DLEC1: variants seen among roughly 807,000 people sequenced by gnomAD.
DLEC1 encodes deleted in lung and esophageal cancer protein 1.
A neutral mutation model predicts 198.1 loss-of-function variants in DLEC1; 146 were observed. The ratio of observed to expected loss-of-function variants is 0.74; its 90% CI spans 0.64 to 0.85. The LOEUF (loss-of-function observed/expected upper bound fraction) is 0.85. DLEC1 is among the 40% of genes least tolerant of loss of function. DLEC1 has a pLI of 0.00. For missense variants in DLEC1, 2,233 were observed against 2,220.0 expected (o/e 1.01, Z -0.12); for synonymous variants, 897 against 866.8 (o/e 1.03, Z -0.61).
At position 38,074,555 on chromosome 3, in the gene DLEC1, T is replaced by A. The variant is rs375050132; in HGVS notation, c.1174-9603T>A. Among the ~76,000 whole-genome samples the A allele has an allele frequency of 5.3e-5, 8 of 152,322 alleles. No homozygotes were observed. In the South Asian group the frequency reaches 1.0e-3, roughly 20 times the overall value. ...AGAATTAACAGCTTTGTAAGCTGCC[T>A]TTTTAAGCCTTTCAACTAGGCAGGA... is the stretch of plus-strand genomic sequence containing the variant. On this transcript the variant is annotated intron_variant, in intron 6 of 36. Transcript: ENST00000308059.
chr3:38,048,073 C>G (rs572397431), intron 2 of DLEC1, among the ~76,000 whole-genome samples: 61 of 152,256 alleles, frequency 4.0e-4, no homozygotes, highest in Admixed American at 1.2e-3. Context: ...TATTTATTAT[C>G]CTTTTGGTGC....
At chr3:38,044,413 A>T (rs1056116535) in intron 1 of DLEC1, among the ~76,000 whole-genome samples, 12 of 151,690 alleles carry the variant, frequency 7.9e-5, no homozygotes, top group Admixed American at 3.3e-4. Context: ...TATACAAAAA[A>T]TTAGCTGGGC....
chr3:38,118,742 G>C (rs996479280), intron 33 of DLEC1, among the ~76,000 whole-genome samples: 1 of 152,088 alleles, frequency 6.6e-6, no homozygotes, highest in African/African-American at 2.4e-5. Context: ...TCTTCTCGGA[G>C]GGCTTCCCTT....
In DLEC1 at chr3:38,122,653, C is replaced by A; in HGVS notation, c.*241C>A. 6.8e-7 allele frequency: 1 copy of A among 1,469,606 alleles called. No homozygotes were observed. Among genetic ancestry groups the A allele is most frequent in the South Asian group, 1.4e-5 (1 of 72,756 alleles). The allele number at this position is 1,469,606 out of a possible 1,614,324, so 91.0% of individuals were successfully genotyped here. On this transcript the variant is annotated 3_prime_UTR_variant, in exon 37 of 37. Coordinates refer to ENST00000308059, the MANE Select transcript of DLEC1 (RefSeq NM_007335.4). The stretch of plus-strand genomic sequence containing the variant: ...AGACCACCACATTGAGATCACTACT[C>A]AGTGCATAGCGAAGACCAGTATGGC...
rs1700556924 is a variant in DLEC1, at chr3:38,039,590, G to A, written c.365G>A (p.Gly122Asp). 6.2e-7 allele frequency: 1 copy of A among 1,611,758 alleles called. No individual in the cohort carries two copies. Among genetic ancestry groups the A allele is most frequent in the Non-Finnish European group, 8.5e-7 (1 of 1,178,532 alleles). Reference protein sequence around the residue: ...EVSASLIKARGSENERHEEFV... With the variant: ...EVSASLIKARDSENERHEEFV... ...AGCGCAAGCTTGATCAAGGCCCGCG[G>A]CAGCGAGAATGAGCGCCACGAGGAG... The change falls in exon 1 of 37, where the codon GGC becomes GAC. Residue 122 changes from glycine to aspartate, a missense_variant. Transcript: ENST00000308059.
At position 38,062,670 on chromosome 3, in the gene DLEC1, G is replaced by C. The variant is rs2125613998; in HGVS notation, c.963G>C (p.Glu321Asp). 1.2e-6 allele frequency: 2 copies of C among 1,614,158 alleles called. No homozygotes were observed. The highest frequency in any genetic ancestry group is 4.5e-5 in the East Asian group (2 of 44,886). ...ELDRLLLARM[E>D]SRNHFLKNPR... Reference sequence around the variant, plus strand: ...ACAGACTTCTGCTTGCCAGAATGGAGAGTCGGAACCACTTCCTAAAAAATC... The same window carrying C: ...ACAGACTTCTGCTTGCCAGAATGGACAGTCGGAACCACTTCCTAAAAAATC... Residue 321 changes from glutamate to aspartate, a missense_variant, in exon 5 of 37, where the codon GAG (glutamate) becomes GAC (aspartate). By Grantham distance (45) the Glu-to-Asp change is conservative (BLOSUM62 2). Transcript: ENST00000308059.
At position 38,115,158 on chromosome 3, in the gene DLEC1, G is replaced by C. The variant is rs1021823680; in HGVS notation, c.3856+105G>C. On this transcript the variant is annotated intron_variant, in intron 27 of 36. Transcript: ENST00000308059. ...AGGGAAGCCGATGGCCCATGAACAG[G>C]ACCCAGGTGTCCAGGGGGCCTGTGG... 7.1e-6 allele frequency: 9 copies of C among 1,263,670 alleles called. No individual in the cohort carries two copies. In the African/African-American group the frequency reaches 1.3e-4, roughly 19 times the overall value. 78.3% of individuals were successfully genotyped at this position (1,263,670 alleles called of 1,614,324 possible).
chr3:38,042,100 C>T (rs1253975998), intron 1 of DLEC1, among the ~76,000 whole-genome samples: 1 of 151,984 alleles, frequency 6.6e-6, no homozygotes, highest in Non-Finnish European at 1.5e-5. Context: ...TCAAGCGATT[C>T]TCCTGCCTCA....
At chr3:38,094,683 C>G (rs1559440876) in intron 12 of DLEC1, among the ~76,000 whole-genome samples, 196 bp from the exon 13 acceptor site, 1 of 152,182 alleles carries the variant, frequency 6.6e-6, no homozygotes, top group Non-Finnish European at 1.5e-5. Flanking sequence ...TAGTCTCTGT[C>G]TTAGACTCCC....
chr3:38,116,330 C>A, intron 27 of DLEC1, 123 bp from the exon 28 acceptor site: 1 of 879,194 alleles, frequency 1.1e-6, no homozygotes, highest in Non-Finnish European at 1.8e-6. Flanking sequence ...GGCAGAGAGG[C>A]ACCCCCTCCA....
intron 6 of DLEC1, among the ~76,000 whole-genome samples, chr3:38,080,096 A>G (rs1001015073): frequency 1.3e-5 from 2 of 152,170 alleles, no homozygotes; most frequent in Non-Finnish European, 2.9e-5. Flanking sequence ...TTTGATGAAA[A>G]AGCCTAAATG....
At chr3:38,069,490 AACAC>A (rs140617640) in intron 6 of DLEC1, among the ~76,000 whole-genome samples, 2 of 150,804 alleles carry the variant, frequency 1.3e-5, no homozygotes, top group Non-Finnish European at 3.0e-5. Context: ...AGTAAGGAAC[AACAC>A]ACACACACAC....
Position 38,117,320 on chromosome 3 carries a change from C to T in DLEC1, c.4400+18C>T. On this transcript the variant is annotated intron_variant, in intron 31 of 36. Coordinates refer to ENST00000308059, the MANE Select transcript of DLEC1 (RefSeq NM_007335.4). ...CCTGCACAGTGAGTCAGCTGGGGTG[C>T]CCCATCTCCTTTCATCCCCATGGGG... The T allele has an allele frequency of 6.2e-7, 1 of 1,613,094 alleles. No homozygotes were observed. The highest frequency in any genetic ancestry group is 2.2e-5 in the East Asian group (1 of 44,812).
At chr3:38,067,797 A>C (rs1697106498) in intron 6 of DLEC1, among the ~76,000 whole-genome samples, 1 of 143,726 alleles carries the variant, frequency 7.0e-6, no homozygotes, top group Non-Finnish European at 1.5e-5. Flanking sequence ...CTATTACCCA[A>C]GCTGGAGTGC....
At chr3:38,065,643 A>G (rs1456950482) in intron 6 of DLEC1, among the ~76,000 whole-genome samples, 1 of 152,210 alleles carries the variant, frequency 6.6e-6, no homozygotes, top group African/African-American at 2.4e-5. Context: ...TAATACATCA[A>G]TTAGTATCTC....
At chr3:38,040,759 A>G (rs1313356974) in intron 1 of DLEC1, among the ~76,000 whole-genome samples, 3 of 152,228 alleles carry the variant, frequency 2.0e-5, no homozygotes, top group East Asian at 3.8e-4. Context: ...TCTTCTCAGT[A>G]TCTGTCCCAT....
intron 27 of DLEC1, 57 bp from the exon 28 acceptor site, chr3:38,116,396 C>T: frequency 1.9e-6 from 3 of 1,591,086 alleles, no homozygotes; most frequent in Non-Finnish European, 2.6e-6. Flanking sequence ...GGAGGGGGCC[C>T]CGGGGGGTTG....
At chr3:38,080,313 T>C (rs530695419) in intron 6 of DLEC1, among the ~76,000 whole-genome samples, 1 of 152,046 alleles carries the variant, frequency 6.6e-6, no homozygotes, top group South Asian at 2.1e-4. Flanking sequence ...GGACCTAGCT[T>C]GGCCTGGTGA....
Position 38,096,572 on chromosome 3 carries a change from A to G in DLEC1, c.2175A>G (p.Ser725=). 6.2e-7 allele frequency: 1 copy of G among 1,610,392 alleles called. No homozygotes were observed. The highest frequency in any genetic ancestry group is 1.1e-5 in the South Asian group (1 of 90,802). Residue 725 remains serine (S), a synonymous_variant, in exon 15 of 37, where the codon TCA becomes TCG. Transcript: ENST00000308059. The part of the protein sequence containing the change: ...VLEEVPEPVS[S]EAESLGHSSY... Reference sequence around the variant, plus strand: ...CTAACGGTGGGTTTGTGTTTAGTTCAGAAGCGGAGAGCCTGGGGCACTCCT... The same window carrying G: ...CTAACGGTGGGTTTGTGTTTAGTTCGGAAGCGGAGAGCCTGGGGCACTCCT...
Sources: allele counts gnomAD v4.1 joint callset (sites outside exome capture counted in the v4.1 genomes callset), GRCh38; gene constraint gnomAD v4.1.1; transcripts MANE v1.5; gene names NCBI Gene and HGNC (gene_info 2026-07-23, HGNC 2026-07-21).